The following SEMA3D variants were observed in gnomAD, a reference collection of about 807,000 sequenced individuals.
SEMA3D encodes semaphorin 3D.
In SEMA3D, 84 loss-of-function variants were observed where a neutral mutation model predicts 100.1. That is an observed-to-expected ratio of 0.84 (90% confidence interval 0.70 to 1.01). The LOEUF (loss-of-function observed/expected upper bound fraction) is 1.01, where lower values mean the gene tolerates loss of function less well. Among genes scored for constraint, SEMA3D ranks in the 50% least tolerant of loss-of-function variants. The pLI is 0.00. For missense variants in SEMA3D, 875 were observed against 934.1 expected (o/e 0.94, Z 0.82); for synonymous variants, 312 against 320.7 (o/e 0.97, Z 0.29).
intron 4 of SEMA3D, among the ~76,000 whole-genome samples, chr7:85,093,901 A>T (rs1788472988): frequency 6.6e-6 from 1 of 152,044 alleles, no homozygotes; most frequent in Non-Finnish European, 1.5e-5. Context: ...GCATAAATAT[A>T]TAAAATGCTC....
intron 1 of SEMA3D, among the ~76,000 whole-genome samples, chr7:85,182,157 A>C (rs1015754457): frequency 6.6e-6 from 1 of 152,004 alleles, no homozygotes; most frequent in Admixed American, 6.5e-5. Context: ...TTGTGTATAC[A>C]TATCTTTATT....
At chr7:85,072,871 T>A in intron 6 of SEMA3D, 91 bp downstream of exon 6, 2 of 1,054,492 alleles carry the variant, frequency 1.9e-6, no homozygotes, top group East Asian at 2.6e-5. Flanking sequence ...GTTTCAGTCC[T>A]TATATTCAAA....
At chr7:85,073,741 C>A (rs191797211) in intron 5 of SEMA3D, among the ~76,000 whole-genome samples, 1 of 152,322 alleles carries the variant, frequency 6.6e-6, no homozygotes, top group East Asian at 1.9e-4. Flanking sequence ...TGCCCTACCA[C>A]TTATTGCCAT....
At chr7:85,199,627 T>G in the SEMA3D span, among the ~76,000 whole-genome samples, 12 of 152,216 alleles carry the variant, frequency 7.9e-5, no homozygotes, top group African/African-American at 2.9e-4. Context: ...AATCACACCA[T>G]TTTAAATTTG....
intron 12 of SEMA3D, among the ~76,000 whole-genome samples, chr7:85,023,581 A>G (rs963223667): frequency 2.6e-5 from 4 of 151,846 alleles, no homozygotes; most frequent in Admixed American, 2.6e-4. Context: ...GATTTTTTTA[A>G]TGGTGCTTTT....
chr7:85,249,002 G>T, the SEMA3D span, among the ~76,000 whole-genome samples: 1 of 152,156 alleles, frequency 6.6e-6, no homozygotes, highest in East Asian at 1.9e-4. Flanking sequence ...ATCTGTCAAT[G>T]TAGTTTAATT....
intron 1 of SEMA3D, among the ~76,000 whole-genome samples, chr7:85,181,355 C>CACAA (rs1791404954): frequency 8.0e-6 from 1 of 124,226 alleles, no homozygotes; most frequent in Non-Finnish European, 1.8e-5. Flanking sequence ...CACACACACA[C>CACAA]ACACACATGC....
intron 7 of SEMA3D, 61 bp from the exon 8 acceptor site, chr7:85,065,613 A>G (rs773702637): frequency 1.5e-6 from 2 of 1,329,896 alleles, no homozygotes; most frequent in Non-Finnish European, 2.1e-6. Context: ...GCTATTTAAC[A>G]TGTACAAATT....
At chr7:85,209,583 TATTG>T in the SEMA3D span, among the ~76,000 whole-genome samples, 1 of 152,154 alleles carries the variant, frequency 6.6e-6, no homozygotes, top group Middle Eastern at 3.4e-3. Flanking sequence ...TATTATTCTT[TATTG>T]ATTACTTCCT....
At chr7:85,199,208 T>C in the SEMA3D span, among the ~76,000 whole-genome samples, 1 of 152,268 alleles carries the variant, frequency 6.6e-6, no homozygotes, top group East Asian at 1.9e-4. Flanking sequence ...GCCAAATATA[T>C]GTTTAATTTT....
intron 2 of SEMA3D, among the ~76,000 whole-genome samples, chr7:85,146,863 C>A (rs574037618): frequency 6.6e-6 from 1 of 151,702 alleles, no homozygotes; most frequent in African/African-American, 2.4e-5. Flanking sequence ...AAAGGAGTAG[C>A]AAATTTAATA....
At chr7:85,037,313 T>C (rs1790728494) in intron 11 of SEMA3D, among the ~76,000 whole-genome samples, 1 of 152,028 alleles carries the variant, frequency 6.6e-6, no homozygotes, top group South Asian at 2.1e-4. Flanking sequence ...AGGGAGGAGG[T>C]GTCATCTAAA....
At chr7:85,021,361 CA>C (rs1357754676) in intron 13 of SEMA3D, among the ~76,000 whole-genome samples, 2 of 151,752 alleles carry the variant, frequency 1.3e-5, no homozygotes, top group African/African-American at 4.8e-5. Context: ...AATTAAGCGT[CA>C]AACTTGTGGG....
At chr7:85,104,797 A>G (rs1788863238) in intron 3 of SEMA3D, among the ~76,000 whole-genome samples, 1 of 151,942 alleles carries the variant, frequency 6.6e-6, no homozygotes, top group East Asian at 1.9e-4. Context: ...AAGAAAAGAA[A>G]AGAAAAGAAA....
rs190031497 is a variant in SEMA3D at position 85,075,622 on chromosome 7, T to C, written c.376-2541A>G. Among the ~76,000 whole-genome samples, 13 of 152,218 alleles carry C rather than the reference T, an allele frequency of 8.5e-5. 2 individuals are homozygous for C. The highest frequency in any genetic ancestry group is 3.1e-4 in the African/African-American group (13 of 41,530). On this transcript the variant is annotated intron_variant, in intron 5 of 18. Coordinates refer to ENST00000284136, the MANE Select transcript of SEMA3D (RefSeq NM_001384900.1). ...TGACATGGAATAAAAAAAAAGTATG[T>C]GTGAATCTTGAATTATCTGACACAG...
intron 2 of SEMA3D, chr7:85,142,796 C>G (rs996731039): frequency 6.8e-5 from 67 of 984,308 alleles, no homozygotes; most frequent in Non-Finnish European, 7.6e-5. Context: ...ATGGAATAAC[C>G]TTTTCTCTCT....
At position 85,035,281 on chromosome 7, in the gene SEMA3D, T is replaced by C. The variant is rs150599680; in HGVS notation, c.1191+1608A>G. ...ATATTTATATATGATATATGCATCA[T>C]ATATGTATATATCTATATACAGGTG... On this transcript the variant is annotated intron_variant, in intron 12 of 18. Coordinates refer to ENST00000284136, the MANE Select transcript of SEMA3D (RefSeq NM_001384900.1). Among the ~76,000 whole-genome samples, 740 of 151,560 alleles carry C rather than the reference T, an allele frequency of 4.9e-3. 3 individuals carry two copies. The highest frequency in any genetic ancestry group is 8.3e-3 in the Non-Finnish European group (563 of 67,842).
At chr7:85,221,121 A>G in the SEMA3D span, among the ~76,000 whole-genome samples, 1 of 152,078 alleles carries the variant, frequency 6.6e-6, no homozygotes, top group South Asian at 2.1e-4. Flanking sequence ...CCATTGAACC[A>G]CTAGGAAAGG....
intron 5 of SEMA3D, among the ~76,000 whole-genome samples, chr7:85,073,474 T>C (rs1791834147): frequency 6.6e-6 from 1 of 151,956 alleles, no homozygotes; most frequent in African/African-American, 2.4e-5. Flanking sequence ...GGCCTCAAAC[T>C]CCTGGACTCA....
Sources: allele counts gnomAD v4.1 joint callset (sites outside exome capture counted in the v4.1 genomes callset), GRCh38; gene constraint gnomAD v4.1.1; transcripts MANE v1.5; gene names NCBI Gene and HGNC (gene_info 2026-07-23, HGNC 2026-07-21).